OSBPL11: variants seen among roughly 807,000 people sequenced by gnomAD.
OSBPL11 encodes oxysterol-binding protein-related protein 11.
In OSBPL11, 33 loss-of-function variants were observed where a neutral mutation model predicts 84.4. That is an observed-to-expected ratio of 0.39 (90% CI 0.30 to 0.52). OSBPL11 has a LOEUF of 0.52. OSBPL11 is among the 20% of genes least tolerant of loss of function. OSBPL11 has a pLI of 0.72. For missense variants in OSBPL11, 736 were observed against 901.1 expected (o/e 0.82, Z 2.35); for synonymous variants, 276 against 310.2 (o/e 0.89, Z 1.16).
intron 12 of OSBPL11, 113 bp from the exon 13 acceptor site, chr3:125,530,693 A>T: frequency 1.1e-6 from 1 of 874,678 alleles, no homozygotes; most frequent in Non-Finnish European, 1.8e-6. Flanking sequence ...ATTCAAAAAC[A>T]AGTTTTTGTG....
chr3:125,563,361 T>C (rs1936105778), intron 7 of OSBPL11, among the ~76,000 whole-genome samples: 1 of 152,094 alleles, frequency 6.6e-6, no homozygotes, highest in African/African-American at 2.4e-5. Flanking sequence ...GTTAAGATAA[T>C]AGGTTAAGAA....
At position 125,578,798 on chromosome 3, in the gene OSBPL11, G is replaced by A. The variant is rs117425170; in HGVS notation, c.489+162C>T. Among the ~76,000 whole-genome samples the A allele has an allele frequency of 3.6e-4, 55 of 151,856 alleles. No homozygotes were observed. In the East Asian group the frequency reaches 9.3e-3, roughly 26 times the overall value. ...AAAAAAAAAGAAAGTTACAATGGTT[G>A]AACCACCTTGTGAATATACTAAAAA... On this transcript the variant is annotated intron_variant, in intron 4 of 12. Coordinates refer to ENST00000296220, the MANE Select transcript of OSBPL11 (RefSeq NM_022776.5).
intron 6 of OSBPL11, among the ~76,000 whole-genome samples, chr3:125,564,620 A>G (rs1396483896): frequency 2.0e-5 from 3 of 151,810 alleles, no homozygotes; most frequent in African/African-American, 7.3e-5. Context: ...TGCTCAGACT[A>G]CTACAGCAGA....
chr3:125,559,804 C>T lies in OSBPL11; in HGVS notation c.1155+575G>A, dbSNP rs148260040. ...CAGCCTCCTGAGACGGGTTTCACCT[C>T]GGCCTCCCGAGGAGAGTGGATCATT... On this transcript the variant is annotated intron_variant, in intron 8 of 12. Transcript: ENST00000296220. Among the ~76,000 whole-genome samples, 833 of 152,144 alleles carry T rather than the reference C, an allele frequency of 5.5e-3. 20 individuals are homozygous for T. The highest frequency in any genetic ancestry group is 0.046 in the Admixed American group (706 of 15,280).
At chr3:125,578,814 A>G (rs1936374092) in intron 4 of OSBPL11, 146 bp downstream of exon 4, 3 of 421,678 alleles carry the variant, frequency 7.1e-6, no homozygotes, top group African/African-American at 6.2e-5. Flanking sequence ...CCTTGTGAAT[A>G]TACTAAAAAC....
chr3:125,547,938 C>T (rs1032116640), intron 9 of OSBPL11, among the ~76,000 whole-genome samples: 1 of 151,998 alleles, frequency 6.6e-6, no homozygotes, highest in African/African-American at 2.4e-5. Context: ...AGTGCAGTGG[C>T]GTGATCTTGG....
chr3:125,567,704 C>T, intron 5 of OSBPL11, 109 bp from the exon 6 acceptor site: 1 of 867,378 alleles, frequency 1.2e-6, no homozygotes. Flanking sequence ...TTTTTAAAGA[C>T]CTACTAGGCT....
intron 7 of OSBPL11, among the ~76,000 whole-genome samples, chr3:125,563,342 A>G (rs1936105530): frequency 6.6e-6 from 1 of 152,230 alleles, no homozygotes; most frequent in African/African-American, 2.4e-5. Flanking sequence ...AAACTTAATA[A>G]TAAATAATGT....
At chr3:125,574,480 GTTTT>G (rs56689283) in intron 5 of OSBPL11, among the ~76,000 whole-genome samples, 1 of 135,362 alleles carries the variant, frequency 7.4e-6, no homozygotes, top group Non-Finnish European at 1.6e-5. Flanking sequence ...CTGATTAGCA[GTTTT>G]TTTTTTTTTT....
At chr3:125,557,600 A>G (rs1218564372) in intron 8 of OSBPL11, among the ~76,000 whole-genome samples, 1 of 150,850 alleles carries the variant, frequency 6.6e-6, no homozygotes, top group Admixed American at 6.6e-5. Flanking sequence ...CTGGTCTCCA[A>G]CTCCTGACTT....
At position 125,582,998 on chromosome 3, in the gene OSBPL11, C is replaced by A; in HGVS notation, c.165-20G>T. Reference sequence around the variant, plus strand: ...TGATCACTATTTCAAAATGAAAAAGCCAAAGTTAGTAAAAATTAGAAGAAA... The same window carrying A: ...TGATCACTATTTCAAAATGAAAAAGACAAAGTTAGTAAAAATTAGAAGAAA... On this transcript the variant is annotated intron_variant, in intron 1 of 12. Coordinates refer to ENST00000296220, the MANE Select transcript of OSBPL11 (RefSeq NM_022776.5). The A allele has an allele frequency of 1.9e-6, 3 of 1,541,892 alleles. No homozygotes were observed. Among genetic ancestry groups the A allele is most frequent in the Admixed American group, 2.2e-5 (1 of 45,276 alleles).
intron 7 of OSBPL11, among the ~76,000 whole-genome samples, chr3:125,561,448 G>T (rs748252393): frequency 2.0e-5 from 3 of 152,050 alleles, no homozygotes; most frequent in Admixed American, 6.6e-5. Context: ...TCTAACCACT[G>T]AGAGTCAAAA....
chr3:125,535,592 C>G (rs1242804287), intron 11 of OSBPL11, among the ~76,000 whole-genome samples: 1 of 151,538 alleles, frequency 6.6e-6, no homozygotes, highest in South Asian at 2.1e-4. Context: ...TACAGGTGCA[C>G]GCCACCACGC....
intron 5 of OSBPL11, among the ~76,000 whole-genome samples, chr3:125,571,793 G>T (rs367898583): frequency 6.6e-6 from 1 of 152,250 alleles, no homozygotes; most frequent in South Asian, 2.1e-4. Context: ...CCAGGCAGAG[G>T]TCTGCTGCAG....
chr3:125,588,221 CAAAAAAAAAA>C (rs35794012), intron 1 of OSBPL11, among the ~76,000 whole-genome samples: 2 of 51,646 alleles, frequency 3.9e-5, no homozygotes, highest in Admixed American at 2.2e-4. Context: ...GACCCTGTCT[CAAAAAAAAAA>C]AAAAAAAAAA....
At chr3:125,557,485 G>A (rs1015392515) in intron 8 of OSBPL11, among the ~76,000 whole-genome samples, 6 of 152,100 alleles carry the variant, frequency 3.9e-5, no homozygotes, top group South Asian at 2.1e-4. Context: ...GGGTTCAAGC[G>A]GTTCTCCTGC....
chr3:125,535,788 T>C (rs2107586798), intron 11 of OSBPL11, among the ~76,000 whole-genome samples: 1 of 152,046 alleles, frequency 6.6e-6, no homozygotes, highest in South Asian at 2.1e-4. Flanking sequence ...AGCATCTCTT[T>C]ATCTGCCCAT....
intron 10 of OSBPL11, among the ~76,000 whole-genome samples, chr3:125,544,391 T>C (rs1393597999): frequency 2.0e-5 from 3 of 152,164 alleles, no homozygotes; most frequent in South Asian, 2.1e-4. Flanking sequence ...ACCAAATGGT[T>C]AATTATATCC....
At position 125,595,458 on chromosome 3, in the gene OSBPL11, C is replaced by T. The variant is rs917113687; in HGVS notation, c.-658G>A. Among the ~76,000 whole-genome samples, 5 of 152,192 alleles carry T rather than the reference C, an allele frequency of 3.3e-5. No homozygotes were observed. The highest frequency in any genetic ancestry group is 1.9e-4 in the East Asian group (1 of 5,186). On this transcript the variant is annotated 5_prime_UTR_variant, in exon 1 of 13. Coordinates refer to ENST00000296220, the MANE Select transcript of OSBPL11 (RefSeq NM_022776.5). ...GGCCCTCGACTGGGTTCCCAGGAGC[C>T]GGTGAGTCTCTCGCGCTATCTCCAG...
Sources: allele counts gnomAD v4.1 joint callset (sites outside exome capture counted in the v4.1 genomes callset), GRCh38; gene constraint gnomAD v4.1.1; transcripts MANE v1.5; gene names NCBI Gene and HGNC (gene_info 2026-07-23, HGNC 2026-07-21).